The following GNAI1 variants were observed in gnomAD, a reference collection of about 807,000 sequenced individuals.
GNAI1 encodes the protein G protein subunit alpha i1.
In GNAI1, 11 loss-of-function variants were observed where a neutral mutation model predicts 38.9. That is an observed-to-expected ratio of 0.28 (90% confidence interval 0.18 to 0.47). The LOEUF is 0.47. GNAI1 is among the 20% of genes least tolerant of loss of function. The pLI is 0.99. For synonymous variants in GNAI1, 166 were observed against 145.1 expected (o/e 1.14, Z -1.04); for missense variants, 317 against 436.9 (o/e 0.73, Z 2.45).
At chr7:80,194,850 C>T (rs1211545206) in intron 3 of GNAI1, among the ~76,000 whole-genome samples, 2 of 151,906 alleles carry the variant, frequency 1.3e-5, no homozygotes, top group Non-Finnish European at 2.9e-5. Flanking sequence ...TAATAACATC[C>T]CTGTGCTCCC....
At chr7:80,205,426 G>A (rs976644276) in intron 5 of GNAI1, among the ~76,000 whole-genome samples, 6 of 152,020 alleles carry the variant, frequency 3.9e-5, no homozygotes, top group Non-Finnish European at 7.4e-5. Flanking sequence ...TTATAGATAC[G>A]TTGACCCAAA....
intron 1 of GNAI1, among the ~76,000 whole-genome samples, chr7:80,146,903 C>T (rs1468544023): frequency 6.6e-6 from 1 of 152,192 alleles, no homozygotes; most frequent in East Asian, 1.9e-4. Flanking sequence ...ACATATCTAT[C>T]ACACTTAATA....
chr7:80,174,086 A>G (rs908337365), intron 1 of GNAI1, among the ~76,000 whole-genome samples: 1 of 152,286 alleles, frequency 6.6e-6, no homozygotes, highest in African/African-American at 2.4e-5. Context: ...AGTGAGATTT[A>G]TGTATATGAG....
At chr7:80,136,226 C>A (rs6953330) in intron 1 of GNAI1, among the ~76,000 whole-genome samples, 1 of 152,102 alleles carries the variant, frequency 6.6e-6, no homozygotes, top group African/African-American at 2.4e-5. Context: ...GGTTAAGATT[C>A]GTGAGTTAGG....
chr7:80,150,471 A>G (rs560001471), intron 1 of GNAI1, among the ~76,000 whole-genome samples: 1 of 152,318 alleles, frequency 6.6e-6, no homozygotes, highest in South Asian at 2.1e-4. Context: ...CATTCGTATA[A>G]AGTTAAAATA....
chr7:80,163,313 G>A (rs1000927595), intron 1 of GNAI1, among the ~76,000 whole-genome samples: 1 of 152,066 alleles, frequency 6.6e-6, no homozygotes, highest in Non-Finnish European at 1.5e-5. Flanking sequence ...CCTTCTGTGG[G>A]TAGGTTCATA....
chr7:80,171,782 G>A (rs527846009), intron 1 of GNAI1, among the ~76,000 whole-genome samples: 1 of 152,128 alleles, frequency 6.6e-6, no homozygotes, highest in African/African-American at 2.4e-5. Context: ...TCATAGGAGG[G>A]CTCTTCAGTT....
chr7:80,206,524 TAAAAC>T (rs1788780160), intron 5 of GNAI1, among the ~76,000 whole-genome samples: 1 of 152,060 alleles, frequency 6.6e-6, no homozygotes, highest in East Asian at 1.9e-4. Context: ...CATTTTATCT[TAAAAC>T]TAAGAAGTGA....
chr7:80,164,100 A>G lies in GNAI1; in HGVS notation c.119-24851A>G, dbSNP rs1357750694. ...TCTCTCTGTCACCAGGCTGGAGTGCAGTGGCGTGATCTTGGCTCACTGCAA... is the reference window on the plus strand; with the variant it reads ...TCTCTCTGTCACCAGGCTGGAGTGCGGTGGCGTGATCTTGGCTCACTGCAA... On this transcript the variant is annotated intron_variant, in intron 1 of 7. Coordinates refer to ENST00000649796, the MANE Select transcript of GNAI1 (RefSeq NM_002069.6). Among the ~76,000 whole-genome samples, 10 of 132,482 alleles carry G rather than the reference A, an allele frequency of 7.5e-5. No individual in the cohort carries two copies. In the Admixed American group the frequency reaches 9.0e-4, roughly 12 times the overall value. 86.9% of individuals were successfully genotyped at this position (132,482 alleles called of 152,430 possible).
intron 3 of GNAI1, among the ~76,000 whole-genome samples, chr7:80,196,554 C>T (rs927001415): frequency 3.3e-5 from 5 of 152,012 alleles, no homozygotes; most frequent in Middle Eastern, 6.8e-3. Context: ...TAAAATTTAT[C>T]CTATTTTAGA....
At chr7:80,181,874 A>G (rs1369326505) in intron 1 of GNAI1, among the ~76,000 whole-genome samples, 1 of 151,956 alleles carries the variant, frequency 6.6e-6, no homozygotes, top group East Asian at 1.9e-4. Context: ...CATACATACC[A>G]TTTTTTGTGG....
At chr7:80,147,446 G>A (rs2116089434) in intron 1 of GNAI1, among the ~76,000 whole-genome samples, 1 of 151,238 alleles carries the variant, frequency 6.6e-6, no homozygotes, top group African/African-American at 2.4e-5. Context: ...ATAACTCAGT[G>A]AGGGCCCTCA....
intron 3 of GNAI1, among the ~76,000 whole-genome samples, chr7:80,192,909 G>T (rs1788507356): frequency 6.6e-6 from 1 of 151,994 alleles, no homozygotes; most frequent in Non-Finnish European, 1.5e-5. Flanking sequence ...TTGTTGGCCA[G>T]GCTGGTCTCG....
chr7:80,210,507 G>A (rs1329177995), intron 5 of GNAI1, among the ~76,000 whole-genome samples: 3 of 151,322 alleles, frequency 2.0e-5, no homozygotes, highest in South Asian at 2.1e-4. Flanking sequence ...GAGTTAAAAC[G>A]ACATGTTTTA....
intron 1 of GNAI1, among the ~76,000 whole-genome samples, chr7:80,140,769 G>A (rs1787511920): frequency 6.6e-6 from 1 of 152,208 alleles, no homozygotes; most frequent in African/African-American, 2.4e-5. Flanking sequence ...CATAAACGTA[G>A]TGACAACACA....
At chr7:80,164,138 G>T (rs2116137624) in intron 1 of GNAI1, among the ~76,000 whole-genome samples, 1 of 146,710 alleles carries the variant, frequency 6.8e-6, no homozygotes. Context: ...TCCACCTCCT[G>T]GGTTCAAGCA....
In GNAI1 at chr7:80,198,317, G is replaced by A. The variant is rs375880654; in HGVS notation, c.304-908G>A. 1.1e-3 allele frequency among the ~76,000 whole-genome samples: 161 copies of A among 151,994 alleles called. No homozygotes were observed. In the South Asian group the frequency reaches 0.011, roughly 10 times the overall value. On this transcript the variant is annotated intron_variant, in intron 3 of 7. Transcript: ENST00000649796. Reference sequence around the variant, plus strand: ...TTTTTATACATAGGTTAAGTATACTGTTAAAAATCATTTCACCTAGCTTTA... The same window carrying A: ...TTTTTATACATAGGTTAAGTATACTATTAAAAATCATTTCACCTAGCTTTA...
Position 80,183,529 on chromosome 7 carries a change from T to C in GNAI1, c.119-5422T>C, listed in dbSNP as rs559548318. ...AGATAACTTGGCTAAATCCCCATGT[T>C]GTAGCTGAACAGCCTGTGATGTTGG... is the stretch of plus-strand genomic sequence containing the variant. On this transcript the variant is annotated intron_variant, in intron 1 of 7. Transcript: ENST00000649796. 1.8e-3 allele frequency among the ~76,000 whole-genome samples: 279 copies of C among 152,268 alleles called. 2 individuals are homozygous for C. Among genetic ancestry groups the C allele is most frequent in the Non-Finnish European group, 3.3e-3 (223 of 68,018 alleles).
At chr7:80,167,682 T>C (rs984105664) in intron 1 of GNAI1, among the ~76,000 whole-genome samples, 2 of 152,224 alleles carry the variant, frequency 1.3e-5, no homozygotes, top group African/African-American at 4.8e-5. Flanking sequence ...TTTCCTTATA[T>C]AGAATCATTT....
Sources: allele counts gnomAD v4.1 joint callset (sites outside exome capture counted in the v4.1 genomes callset), GRCh38; gene constraint gnomAD v4.1.1; transcripts MANE v1.5; gene names NCBI Gene and HGNC (gene_info 2026-07-23, HGNC 2026-07-21).